CAPN6: variants seen among roughly 807,000 people sequenced by gnomAD.
CAPN6 encodes the protein calpain 6, also known as calpain-6.
CAPN6 carries 16 observed loss-of-function variants against 46.0 expected under a neutral mutation model. That is an observed-to-expected ratio of 0.35 (90% CI 0.24 to 0.53). The LOEUF is 0.53. Among genes scored for constraint, CAPN6 ranks in the 20% least tolerant of loss-of-function variants. The probability of loss-of-function intolerance (pLI) is 0.94; values close to 1 mark genes in which losing one functional copy is unlikely to be tolerated. For synonymous variants in CAPN6, 206 were observed against 172.8 expected (o/e 1.19, Z -1.51); for missense variants, 461 against 498.0 (o/e 0.93, Z 0.71).
At chrX:111,262,433 G>A (rs781283321) in intron 2 of CAPN6, among the ~76,000 whole-genome samples, 1 of 112,209 alleles carries the variant, frequency 8.9e-6, no homozygotes, top group African/African-American at 3.2e-5. Context: ...AGGAATTTAA[G>A]CTGTGGAAAT....
rs773773647 is a variant in CAPN6 at position 111,248,706 on chromosome X, G to A, written c.1347C>T (p.Thr449=). ...GAAACACTGTGCGGGTGTCAATATA[G>A]GTGGAAGTCCCAGCACGCTCCTGGA... ...LYIQERAGTS[T]YIDTRTVFLS... The change falls in exon 10 of 13, where the codon ACC becomes ACT. Residue 449 remains threonine, a synonymous_variant. Coordinates refer to ENST00000324068, the MANE Select transcript of CAPN6 (RefSeq NM_014289.4). The A allele has an allele frequency of 3.3e-6, 4 of 1,211,116 alleles. 1 individual carries two copies. The Admixed American group carries it at 8.7e-5, about 26-fold the overall frequency.
intron 2 of CAPN6, among the ~76,000 whole-genome samples, chrX:111,262,255 G>A (rs757900447): frequency 1.8e-5 from 2 of 112,073 alleles, no homozygotes; most frequent in South Asian, 3.8e-4. Context: ...CAGACAGAGC[G>A]AACTTCTCCC....
intron 1 of CAPN6, among the ~76,000 whole-genome samples, chrX:111,269,781 G>A (rs1332803897): frequency 1.8e-5 from 2 of 112,031 alleles, no homozygotes; most frequent in African/African-American, 6.5e-5. Flanking sequence ...CCTGTCACCA[G>A]GGCAGGAAGA....
chrX:111,255,047 C>T (rs2094982695), intron 2 of CAPN6, among the ~76,000 whole-genome samples: 1 of 111,828 alleles, frequency 8.9e-6, no homozygotes, highest in Non-Finnish European at 1.9e-5. Context: ...AACCGACACT[C>T]TTCCCAGTGA....
At chrX:111,265,396 A>G (rs193046693) in intron 1 of CAPN6, among the ~76,000 whole-genome samples, 41 of 112,751 alleles carry the variant, frequency 3.6e-4, no homozygotes, top group African/African-American at 1.3e-3. Flanking sequence ...CATTTTTTTC[A>G]TAGCCTTATT....
chrX:111,266,233 C>CAAAAA (rs36058551), intron 1 of CAPN6, among the ~76,000 whole-genome samples: 2 of 34,316 alleles, frequency 5.8e-5, no homozygotes, highest in African/African-American at 2.3e-4. Context: ...GACTCCGTCT[C>CAAAAA]AAAAAAAAAA....
intron 1 of CAPN6, among the ~76,000 whole-genome samples, chrX:111,264,764 A>G (rs1211095274): frequency 1.8e-5 from 2 of 110,939 alleles, no homozygotes; most frequent in Non-Finnish European, 3.8e-5. Flanking sequence ...GAGAATTCAT[A>G]TAGTGGCTCT....
At chrX:111,263,232 C>G (rs2094989262) in intron 2 of CAPN6, among the ~76,000 whole-genome samples, 1 of 111,698 alleles carries the variant, frequency 9.0e-6, no homozygotes. Flanking sequence ...ACCCCAATGC[C>G]CTTTAGTGGG....
At chrX:111,270,292 TTTC>T (rs2094994996) in intron 1 of CAPN6, 76 bp downstream of exon 1, 4 of 232,780 alleles carry the variant, frequency 1.7e-5, no homozygotes, top group Admixed American at 4.6e-5. Context: ...AAAGTTGAAG[TTTC>T]TTCATCTTTC....
intron 1 of CAPN6, among the ~76,000 whole-genome samples, chrX:111,268,565 T>C (rs1237948231): frequency 2.7e-5 from 3 of 112,848 alleles, no homozygotes; most frequent in South Asian, 3.6e-4. Flanking sequence ...GGGAAACTAA[T>C]GAAATTTGAT....
intron 2 of CAPN6, among the ~76,000 whole-genome samples, chrX:111,262,981 T>C (rs2094989023): frequency 8.9e-6 from 1 of 112,214 alleles, no homozygotes; most frequent in Non-Finnish European, 1.9e-5. Context: ...ATCTTCTCCC[T>C]TTAAAATTTG....
At chrX:111,253,483 A>G (rs974851487) in intron 3 of CAPN6, among the ~76,000 whole-genome samples, 1 of 112,542 alleles carries the variant, frequency 8.9e-6, no homozygotes, top group African/African-American at 3.2e-5. Context: ...TTAGTGGTTA[A>G]ATGCTTTCCA....
intron 4 of CAPN6, 105 bp downstream of exon 4, chrX:111,252,903 A>G (rs1427006665): frequency 1.5e-6 from 1 of 651,823 alleles, no homozygotes; most frequent in Non-Finnish European, 2.3e-6. Context: ...ATCTTACCCA[A>G]CTTAAACTCC....
chrX:111,253,279 A>T (rs2094981198), intron 3 of CAPN6, 63 bp from the exon 4 acceptor site: 9 of 907,706 alleles, frequency 9.9e-6, no homozygotes, highest in Non-Finnish European at 1.4e-5. Flanking sequence ...AACTGAGATT[A>T]CAGTTTACTC....
At chrX:111,254,730 C>CA (rs904821813) in intron 2 of CAPN6, among the ~76,000 whole-genome samples, 2 of 110,662 alleles carry the variant, frequency 1.8e-5, no homozygotes, top group African/African-American at 6.6e-5. Context: ...GTGAACTTTC[C>CA]AAAAAAATAA....
rs375838805 is a variant in CAPN6, at chrX:111,248,750, G to A, written c.1303C>T (p.Arg435Cys). The change falls in exon 10 of 13, where the codon CGC becomes TGC. Residue 435 changes from arginine (R) to cysteine (C), a missense_variant. By Grantham distance (180) the Arg-to-Cys change is radical. Coordinates refer to ENST00000324068, the MANE Select transcript of CAPN6 (RefSeq NM_014289.4). ...LFKVEMNRKF[R>C]LHHLYIQERA... ...TCCTGGATGTAGAGGTGGTGGAGGCGGAATTTGCGGTTCATCTCCACCTGG... is the reference window on the plus strand; with the variant it reads ...TCCTGGATGTAGAGGTGGTGGAGGCAGAATTTGCGGTTCATCTCCACCTGG... 10 of 1,208,807 alleles carry A rather than the reference G, an allele frequency of 8.3e-6. No individual in the cohort carries two copies. Among genetic ancestry groups the A allele is most frequent in the African/African-American group, 1.8e-5 (1 of 56,966 alleles).
chrX:111,249,349 GTAT>G (rs975444458), intron 8 of CAPN6, among the ~76,000 whole-genome samples: 4 of 110,678 alleles, frequency 3.6e-5, no homozygotes, highest in African/African-American at 9.9e-5. Context: ...GTAAATTATT[GTAT>G]TATTATTATT....
At chrX:111,257,175 C>A (rs1003318761) in intron 2 of CAPN6, among the ~76,000 whole-genome samples, 1 of 111,575 alleles carries the variant, frequency 9.0e-6, no homozygotes, top group Admixed American at 9.5e-5. Flanking sequence ...ATCCCTGTGC[C>A]TTTAGGCTCA....
Position 111,246,495 on chromosome X carries a change from T to C in CAPN6, c.*82A>G. On this transcript the variant is annotated 3_prime_UTR_variant, in exon 13 of 13. Coordinates refer to ENST00000324068, the MANE Select transcript of CAPN6 (RefSeq NM_014289.4). ...TTGTGAATCTCATTCTTTCTAAAGA[T>C]TGTGAATCTTAACTAAGACCTGGCA... 1 of 793,993 alleles carries C rather than the reference T, an allele frequency of 1.3e-6. No homozygotes were observed. The highest frequency in any genetic ancestry group is 1.9e-6 in the Non-Finnish European group (1 of 537,861). 65.4% of individuals were successfully genotyped at this position (793,993 alleles called of 1,213,427 possible). A position where few individuals can be genotyped will look rare whatever the true frequency, so the allele number is the denominator to read the frequency against.
Sources: allele counts gnomAD v4.1 joint callset (sites outside exome capture counted in the v4.1 genomes callset), GRCh38; gene constraint gnomAD v4.1.1; transcripts MANE v1.5; gene names NCBI Gene and HGNC (gene_info 2026-07-23, HGNC 2026-07-21).